Variants in PRELID2 observed in about 807,000 individuals in gnomAD.
PRELID2 encodes PRELI domain containing 2.
Under a neutral mutation model 28.4 loss-of-function variants are expected in PRELID2, and 25 were observed. That is an observed-to-expected ratio of 0.88 (90% CI 0.64 to 1.23). The LOEUF is 1.23. Ranked by LOEUF, PRELID2 falls within the 50% of genes most tolerant of loss-of-function variation. PRELID2 has a pLI of 0.00. For missense variants in PRELID2, 201 were observed against 214.4 expected (o/e 0.94, Z 0.39); for synonymous variants, 76 against 71.6 (o/e 1.06, Z -0.31).
At chr5:145,605,074 C>A (rs1469685113) in intron 1 of PRELID2, among the ~76,000 whole-genome samples, 3 of 151,278 alleles carry the variant, frequency 2.0e-5, no homozygotes, top group African/African-American at 7.3e-5. Context: ...GGATATTTGA[C>A]CTTTGTTAGG....
intron 1 of PRELID2, among the ~76,000 whole-genome samples, chr5:145,565,419 G>A (rs1752956614): frequency 6.6e-6 from 1 of 152,200 alleles, no homozygotes; most frequent in Admixed American, 6.5e-5. Context: ...AACTTGAATA[G>A]GTAAATATTG....
At chr5:145,693,852 T>C (rs1755201438) in intron 1 of PRELID2, among the ~76,000 whole-genome samples, 1 of 152,198 alleles carries the variant, frequency 6.6e-6, no homozygotes. Context: ...ACTTTACAAA[T>C]GATGTTGGAG....
At chr5:145,685,422 C>T (rs1002857728) in intron 1 of PRELID2, among the ~76,000 whole-genome samples, 1 of 152,180 alleles carries the variant, frequency 6.6e-6, no homozygotes, top group Admixed American at 6.6e-5. Flanking sequence ...AGTTTCTACC[C>T]TAATGTTTTC....
At chr5:145,814,821 A>T (rs1382683656) in intron 4 of PRELID2, among the ~76,000 whole-genome samples, 1 of 152,240 alleles carries the variant, frequency 6.6e-6, no homozygotes, top group Admixed American at 6.5e-5. Flanking sequence ...TCTCAAAAAA[A>T]TTAATCATTT....
chr5:145,784,426 G>A (rs1352983927), intron 5 of PRELID2, among the ~76,000 whole-genome samples: 1 of 152,064 alleles, frequency 6.6e-6, no homozygotes, highest in South Asian at 2.1e-4. Context: ...AATGATAAAT[G>A]GAAGTTTTAA....
intron 5 of PRELID2, among the ~76,000 whole-genome samples, chr5:145,778,647 G>T (rs566521202): frequency 6.6e-6 from 1 of 152,222 alleles, no homozygotes; most frequent in Non-Finnish European, 1.5e-5. Flanking sequence ...ACCTAGAGCT[G>T]CCTGTCCCAC....
chr5:145,375,037 T>C, the PRELID2 span, among the ~76,000 whole-genome samples: 8 of 152,154 alleles, frequency 5.3e-5, no homozygotes, highest in African/African-American at 1.7e-4. Context: ...GGAGAGACAC[T>C]GTGATCATTT....
the PRELID2 span, among the ~76,000 whole-genome samples, chr5:145,420,034 T>G: frequency 9.6e-3 from 1,459 of 152,122 alleles, 30 homozygotes; most frequent in African/African-American, 0.034. Flanking sequence ...AAAGATCAGA[T>G]AGTTGTAGAT....
the PRELID2 span, among the ~76,000 whole-genome samples, chr5:145,307,808 G>A: frequency 1.3e-5 from 2 of 152,022 alleles, no homozygotes. Flanking sequence ...AAAAAAATTT[G>A]CTCAGAGGTC....
At chr5:145,484,076 T>C (rs1752191454) in intron 1 of PRELID2, among the ~76,000 whole-genome samples, 1 of 152,150 alleles carries the variant, frequency 6.6e-6, no homozygotes, top group Non-Finnish European at 1.5e-5. Context: ...TAAATAACGG[T>C]AATTTAACAT....
chr5:145,434,913 G>T, the PRELID2 span, among the ~76,000 whole-genome samples: 1 of 152,116 alleles, frequency 6.6e-6, no homozygotes, highest in Non-Finnish European at 1.5e-5. Flanking sequence ...GAAGACTCAG[G>T]TTCAATCCCT....
At chr5:145,375,375 G>A in the PRELID2 span, among the ~76,000 whole-genome samples, 16 of 152,092 alleles carry the variant, frequency 1.1e-4, no homozygotes, top group Non-Finnish European at 1.8e-4. Flanking sequence ...CTGACCTCAA[G>A]GGGCACCAAT....
At chr5:145,509,185 G>C (rs934820936) in intron 1 of PRELID2, among the ~76,000 whole-genome samples, 1 of 152,164 alleles carries the variant, frequency 6.6e-6, no homozygotes. Context: ...CAACAGCAAT[G>C]ACAACTGCTA....
chr5:145,246,338 G>A, the PRELID2 span, among the ~76,000 whole-genome samples: 12 of 152,110 alleles, frequency 7.9e-5, no homozygotes, highest in South Asian at 8.3e-4. Context: ...ATTAAGTACC[G>A]GGGATATAAT....
intron 1 of PRELID2, among the ~76,000 whole-genome samples, chr5:145,584,792 C>T (rs903750186): frequency 6.6e-5 from 10 of 152,228 alleles, no homozygotes; most frequent in Non-Finnish European, 1.5e-4. Context: ...CCAGCAGATG[C>T]TATCAAGTTT....
chr5:145,363,107 T>C, the PRELID2 span, among the ~76,000 whole-genome samples: 10 of 138,118 alleles, frequency 7.2e-5, no homozygotes, highest in African/African-American at 2.5e-4. Context: ...CCACATATCA[T>C]GGCTATAAGA....
intron 1 of PRELID2, among the ~76,000 whole-genome samples, chr5:145,574,751 A>C (rs528870379): frequency 6.6e-6 from 1 of 152,310 alleles, no homozygotes; most frequent in East Asian, 1.9e-4. Context: ...TCCCTTATAT[A>C]AAATGCTGTC....
At chr5:145,512,307 C>G (rs896264322) in intron 1 of PRELID2, among the ~76,000 whole-genome samples, 3 of 152,140 alleles carry the variant, frequency 2.0e-5, no homozygotes, top group Non-Finnish European at 4.4e-5. Flanking sequence ...AGAGTGAGAG[C>G]CAAAGCAGGG....
At position 145,711,439 on chromosome 5, in the gene PRELID2, T is replaced by C. The variant is rs538018200; in HGVS notation, n.70+53492A>G. ...AAATGAGGAGGAAGCTGCCATTGAT[T>C]TGGATAAGACCATCTGAACCATTTT... is the stretch of plus-strand genomic sequence containing the variant. On this transcript the variant is annotated intron_variant and non_coding_transcript_variant, in intron 1 of 2. Transcript: ENST00000510259. Among the ~76,000 whole-genome samples the C allele has an allele frequency of 2.6e-5, 4 of 152,268 alleles. No individual in the cohort carries two copies. The South Asian group carries it at 6.2e-4, about 24-fold the overall frequency.
Sources: gnomAD v4.1 joint callset for allele counts (sites outside exome capture counted in the v4.1 genomes callset) on GRCh38, gnomAD v4.1.1 for gene constraint, MANE v1.5 for transcripts, NCBI Gene and HGNC (gene_info 2026-07-23, HGNC 2026-07-21) for gene names.